The following SLIT3 variants were observed in gnomAD, a reference collection of about 807,000 sequenced individuals.
The protein encoded by SLIT3 is slit guidance ligand 3.
In SLIT3, 68 loss-of-function variants were observed where a neutral mutation model predicts 184.0. The observed-to-expected ratio is 0.37, with a 90% CI of 0.30 to 0.45. SLIT3 has a LOEUF of 0.45. Ranked by LOEUF, SLIT3 falls within the 20% of genes least tolerant of loss-of-function variation. SLIT3 has a pLI of 1.00. For synonymous variants in SLIT3, 831 were observed against 828.6 expected, an observed-to-expected ratio of 1.00 and a Z score of -0.05; for missense variants, 1,707 against 2,026.0, an observed-to-expected ratio of 0.84 and a Z score of 3.02.
intron 4 of SLIT3, among the ~76,000 whole-genome samples, chr5:169,086,405 T>C (rs1759298507): frequency 6.6e-6 from 1 of 152,264 alleles, no homozygotes; most frequent in South Asian, 2.1e-4. Flanking sequence ...AGTTAATGCA[T>C]GTGTTCTGGA....
chr5:169,130,286 A>G (rs1761248464), intron 4 of SLIT3, among the ~76,000 whole-genome samples: 1 of 152,254 alleles, frequency 6.6e-6, no homozygotes, highest in South Asian at 2.1e-4. Context: ...AATAAAAAGC[A>G]TATTTAAACA....
intron 4 of SLIT3, among the ~76,000 whole-genome samples, chr5:169,109,014 T>C (rs1561670347): frequency 1.3e-5 from 2 of 152,174 alleles, no homozygotes; most frequent in Non-Finnish European, 2.9e-5. Flanking sequence ...TGCCCCCCAC[T>C]TGAGTGTGGG....
At chr5:169,203,637 T>C (rs1051568348) in intron 3 of SLIT3, among the ~76,000 whole-genome samples, 1 of 152,168 alleles carries the variant, frequency 6.6e-6, no homozygotes, top group African/African-American at 2.4e-5. Flanking sequence ...CACATGCTCT[T>C]CCCTTCTCTG....
chr5:169,149,705 G>A (rs564417979), intron 4 of SLIT3, among the ~76,000 whole-genome samples: 1 of 152,280 alleles, frequency 6.6e-6, no homozygotes, highest in African/African-American at 2.4e-5. Context: ...AAAGTGTCCC[G>A]AACTAGGACG....
At position 169,174,755 on chromosome 5, in the gene SLIT3, T is replaced by C. The variant is rs1265608103; in HGVS notation, c.413+18724A>G. 2.6e-5 allele frequency among the ~76,000 whole-genome samples: 4 copies of C among 152,140 alleles called. No individual in the cohort carries two copies. The East Asian group carries it at 7.7e-4, about 29-fold the overall frequency. ...AGAGGAGATATCTGAGCCAAGAGCT[T>C]TCCCAGTGTGATCAAAAGAAAAAAA... On this transcript the variant is annotated intron_variant, in intron 4 of 35. Coordinates refer to ENST00000519560, the MANE Select transcript of SLIT3 (RefSeq NM_003062.4).
chr5:169,262,213 CAG>C (rs2113615431), intron 1 of SLIT3, among the ~76,000 whole-genome samples: 1 of 152,212 alleles, frequency 6.6e-6, no homozygotes, highest in Non-Finnish European at 1.5e-5. Flanking sequence ...ATAAAAAACA[CAG>C]GGGGAGATAG....
intron 4 of SLIT3, among the ~76,000 whole-genome samples, chr5:168,929,894 G>A (rs1761937390): frequency 6.6e-6 from 1 of 152,196 alleles, no homozygotes; most frequent in Non-Finnish European, 1.5e-5. Context: ...GCTCCAGCTG[G>A]CCTGCCTTAT....
At chr5:169,233,313 G>C (rs11749142) in intron 3 of SLIT3, among the ~76,000 whole-genome samples, 3 of 152,070 alleles carry the variant, frequency 2.0e-5, no homozygotes, top group Non-Finnish European at 4.4e-5. Context: ...GTGAGCCACC[G>C]CGCCCGGTCG....
At chr5:168,971,351 A>G (rs529490727) in intron 4 of SLIT3, among the ~76,000 whole-genome samples, 13 of 152,332 alleles carry the variant, frequency 8.5e-5, no homozygotes, top group African/African-American at 2.9e-4. Context: ...TGAGGACAAC[A>G]TGGCCAGGTG....
intron 4 of SLIT3, among the ~76,000 whole-genome samples, chr5:169,136,580 G>T (rs554443497): frequency 6.6e-6 from 1 of 152,186 alleles, no homozygotes; most frequent in Admixed American, 6.5e-5. Context: ...ATGTCAACAA[G>T]GCTATGGTGG....
chr5:168,962,779 C>CT (rs72532709), intron 4 of SLIT3, among the ~76,000 whole-genome samples: 89,627 of 152,014 alleles, frequency 0.59, 28,657 homozygotes, highest in African/African-American at 0.86. Flanking sequence ...TGCCTTTTAG[C>CT]TCTTAGACTC....
At chr5:168,861,101 A>C (rs1561973478) in intron 5 of SLIT3, among the ~76,000 whole-genome samples, 1 of 152,092 alleles carries the variant, frequency 6.6e-6, no homozygotes. Context: ...ACCGTATGAC[A>C]TATTTCTTAT....
intron 14 of SLIT3, among the ~76,000 whole-genome samples, chr5:168,771,030 T>G (rs566419537): frequency 6.6e-6 from 1 of 152,196 alleles, no homozygotes; most frequent in African/African-American, 2.4e-5. Context: ...GGGTCCAAAG[T>G]ACTAACAGGA....
intron 5 of SLIT3, among the ~76,000 whole-genome samples, chr5:168,854,429 A>G (rs1758786202): frequency 6.6e-6 from 1 of 152,102 alleles, no homozygotes; most frequent in East Asian, 1.9e-4. Flanking sequence ...TGGGAGTCCC[A>G]GTCCATTTGA....
chr5:168,914,922 CT>C (rs1294479207), intron 4 of SLIT3, among the ~76,000 whole-genome samples: 1 of 152,054 alleles, frequency 6.6e-6, no homozygotes, highest in Non-Finnish European at 1.5e-5. Flanking sequence ...AGCCAGATTT[CT>C]TTTTCTTGAT....
chr5:169,231,414 T>G (rs1341683988), intron 3 of SLIT3, among the ~76,000 whole-genome samples: 2 of 152,174 alleles, frequency 1.3e-5, no homozygotes, highest in East Asian at 3.8e-4. Context: ...ACACCATAGA[T>G]TAGTTTTGCC....
intron 3 of SLIT3, among the ~76,000 whole-genome samples, chr5:169,216,959 A>G (rs1764454896): frequency 6.6e-6 from 1 of 151,924 alleles, no homozygotes. Flanking sequence ...AAGACAAGAG[A>G]AAGAATGTGA....
chr5:168,974,073 T>G (rs979798274), intron 4 of SLIT3, among the ~76,000 whole-genome samples: 7 of 152,202 alleles, frequency 4.6e-5, no homozygotes, highest in Non-Finnish European at 8.8e-5. Context: ...TCTCTCTCTC[T>G]CTCCACCTAC....
At chr5:168,844,983 T>C (rs1016552028) in intron 5 of SLIT3, among the ~76,000 whole-genome samples, 1 of 151,126 alleles carries the variant, frequency 6.6e-6, no homozygotes, top group African/African-American at 2.4e-5. Context: ...TACCGTCATG[T>C]CACTGAAACA....
Sources: allele counts gnomAD v4.1 joint callset (sites outside exome capture counted in the v4.1 genomes callset), GRCh38; gene constraint gnomAD v4.1.1; transcripts MANE v1.5; gene names NCBI Gene and HGNC (gene_info 2026-07-23, HGNC 2026-07-21).